The following CPE variants were observed in gnomAD, a reference collection of about 807,000 sequenced individuals.
CPE encodes the protein carboxypeptidase E, also known as carbocypeptidase E.
In CPE, 17 loss-of-function variants were observed where a neutral mutation model predicts 53.5. The observed-to-expected ratio is 0.32, with a 90% confidence interval of 0.22 to 0.48. The LOEUF (loss-of-function observed/expected upper bound fraction) is 0.48. Among genes scored for constraint, CPE ranks in the 20% least tolerant of loss-of-function variants. The probability of loss-of-function intolerance (pLI) is 0.99; values close to 1 mark genes in which losing one functional copy is unlikely to be tolerated. For synonymous variants in CPE, 226 were observed against 228.8 expected (o/e 0.99, Z 0.11); for missense variants, 524 against 614.7 (o/e 0.85, Z 1.56).
intron 7 of CPE, 43 bp from the exon 8 acceptor site, chr4:165,495,516 A>G (rs768565237): frequency 1.2e-5 from 16 of 1,315,938 alleles, no homozygotes; most frequent in Non-Finnish European, 1.7e-5. Context: ...GTAATTCTGC[A>G]TATTTCATGT....
At chr4:165,459,065 C>T (rs1010228116) in intron 1 of CPE, among the ~76,000 whole-genome samples, 1 of 152,192 alleles carries the variant, frequency 6.6e-6, no homozygotes, top group Non-Finnish European at 1.5e-5. Flanking sequence ...ATTTCACCCA[C>T]ATGGATGTGA....
At chr4:165,467,570 A>T (rs1732129548) in intron 2 of CPE, 118 bp from the exon 3 acceptor site, 1 of 932,016 alleles carries the variant, frequency 1.1e-6, no homozygotes, top group African/African-American at 1.7e-5. Context: ...ATGGGAGGGC[A>T]TTGTTGAAGT....
rs143295047 is a variant in CPE at position 165,449,632 on chromosome 4, T to C, written c.308-14758T>C. Among the ~76,000 whole-genome samples, 4 of 152,334 alleles carry C rather than the reference T, an allele frequency of 2.6e-5. No homozygotes were observed. In the East Asian group the frequency reaches 7.7e-4, roughly 29 times the overall value. On this transcript the variant is annotated intron_variant, in intron 1 of 8. Coordinates refer to ENST00000402744, the MANE Select transcript of CPE (RefSeq NM_001873.4). ...CTGAGATATGCGATGAATATATCTA[T>C]CTGTTGATAGAGCTGTTTAGGTTTT...
chr4:165,400,319 G>A (rs865926096), intron 1 of CPE, among the ~76,000 whole-genome samples: 2 of 152,136 alleles, frequency 1.3e-5, no homozygotes, highest in Non-Finnish European at 2.9e-5. Flanking sequence ...ATGACTGAGG[G>A]AGGGAGAATA....
At chr4:165,386,315 A>G (rs1244239446) in intron 1 of CPE, 1 of 495,068 alleles carries the variant, frequency 2.0e-6, no homozygotes, top group Non-Finnish European at 4.0e-6. Flanking sequence ...CTTGTGCTCT[A>G]GGATTGTATT....
At position 165,379,647 on chromosome 4, in the gene CPE, G is replaced by A; in HGVS notation, c.307+119G>A. On this transcript the variant is annotated intron_variant, in intron 1 of 8. Transcript: ENST00000402744. This position sits in a 1 kb window ranked among gnomAD's most constrained non-coding sequence, Gnocchi z 6.0. ...GGCCCAGGGGTGCCTCTTGGTAAAAGGTATCTAAGGTGGAAGGTGGGAAGT... is the reference window on the plus strand; with the variant it reads ...GGCCCAGGGGTGCCTCTTGGTAAAAAGTATCTAAGGTGGAAGGTGGGAAGT... 1 of 1,000,176 alleles carries A rather than the reference G, an allele frequency of 1.0e-6. No homozygotes were observed. The highest frequency in any genetic ancestry group is 2.1e-5 in the South Asian group (1 of 47,802). The allele number at this position is 1,000,176 out of a possible 1,614,324, so 62.0% of individuals were successfully genotyped here.
At chr4:165,478,547 T>TA (rs1480982681) in intron 3 of CPE, among the ~76,000 whole-genome samples, 10 of 152,214 alleles carry the variant, frequency 6.6e-5, no homozygotes, top group African/African-American at 2.4e-4. Context: ...AAAAGTTTTT[T>TA]ATTGCAAAAT....
At chr4:165,477,300 G>T (rs1239709041) in intron 3 of CPE, among the ~76,000 whole-genome samples, 2 of 152,104 alleles carry the variant, frequency 1.3e-5, no homozygotes, top group South Asian at 2.1e-4. Flanking sequence ...AAGAGCTTTT[G>T]TTTAAAACAA....
At chr4:165,469,125 T>C (rs1441044105) in intron 3 of CPE, among the ~76,000 whole-genome samples, 2 of 152,236 alleles carry the variant, frequency 1.3e-5, no homozygotes, top group Non-Finnish European at 2.9e-5. Flanking sequence ...CTCTCTGTTA[T>C]GTAGCTCAGG....
At chr4:165,382,466 C>G (rs1730519030) in intron 1 of CPE, among the ~76,000 whole-genome samples, 1 of 152,118 alleles carries the variant, frequency 6.6e-6, no homozygotes, top group South Asian at 2.1e-4. Flanking sequence ...GTTTACTTGA[C>G]TGAAATTTTG....
At chr4:165,470,631 G>A (rs758037668) in intron 3 of CPE, among the ~76,000 whole-genome samples, 1 of 152,118 alleles carries the variant, frequency 6.6e-6, no homozygotes, top group African/African-American at 2.4e-5. Flanking sequence ...TTTAACAACC[G>A]CTTGACCATC....
chr4:165,490,629 CAAAAAAAAAAAA>C (rs36034365), intron 6 of CPE, among the ~76,000 whole-genome samples: 17 of 41,006 alleles, frequency 4.1e-4, no homozygotes, highest in Admixed American at 1.5e-3. Flanking sequence ...GACTCCGTCT[CAAAAAAAAAAAA>C]AAAAAAAAAA....
chr4:165,489,249 C>A (rs1732559293), intron 6 of CPE, among the ~76,000 whole-genome samples: 1 of 152,114 alleles, frequency 6.6e-6, no homozygotes, highest in South Asian at 2.1e-4. Context: ...ATATCAAATA[C>A]AGTGCTTTTT....
chr4:165,384,149 G>C (rs964928711), intron 1 of CPE, among the ~76,000 whole-genome samples: 6 of 152,156 alleles, frequency 3.9e-5, no homozygotes, highest in South Asian at 4.1e-4. Flanking sequence ...CTCTTGTAAC[G>C]GGTGACACAT....
intron 1 of CPE, among the ~76,000 whole-genome samples, chr4:165,456,502 ATCTT>A (rs1006651541): frequency 9.9e-5 from 15 of 151,778 alleles, no homozygotes; most frequent in African/African-American, 2.4e-4. Flanking sequence ...CGCTAATTTC[ATCTT>A]TCTTTCTTTG....
chr4:165,424,879 CTTT>C (rs777344411), intron 1 of CPE, among the ~76,000 whole-genome samples: 1 of 137,740 alleles, frequency 7.3e-6, no homozygotes, highest in African/African-American at 2.7e-5. Flanking sequence ...AAAGTAGAAA[CTTT>C]TTTTTTTTTT....
rs1732166958 is a variant in CPE, at chr4:165,469,524, G to A, written c.672+1669G>A. ...CTAACAATTTTATGTCTTCAGATGAGTTGCTGCTCCAACTGTCTAGAATTC... is the reference window on the plus strand; with the variant it reads ...CTAACAATTTTATGTCTTCAGATGAATTGCTGCTCCAACTGTCTAGAATTC... On this transcript the variant is annotated intron_variant, in intron 3 of 8. Coordinates refer to ENST00000402744, the MANE Select transcript of CPE (RefSeq NM_001873.4). Among the ~76,000 whole-genome samples the A allele has an allele frequency of 2.6e-5, 4 of 152,248 alleles. No homozygotes were observed. The South Asian group carries it at 8.3e-4, about 32-fold the overall frequency.
intron 1 of CPE, chr4:165,405,491 C>T (rs563433080): frequency 3.2e-4 from 280 of 875,916 alleles, no homozygotes; most frequent in Admixed American, 5.3e-4. Context: ...CCCTTTAGTC[C>T]GCTTTCACAC....
chr4:165,485,277 C>T (rs191319511), intron 5 of CPE, among the ~76,000 whole-genome samples: 11 of 151,940 alleles, frequency 7.2e-5, no homozygotes, highest in South Asian at 4.2e-4. Context: ...GAGTGAAATG[C>T]GAAGATATTT....
Sources: gnomAD v4.1 joint callset for allele counts (sites outside exome capture counted in the v4.1 genomes callset) on GRCh38, gnomAD v4.1.1 for gene constraint, Gnocchi (gnomAD v3.1) non-coding constraint, MANE v1.5 for transcripts, NCBI Gene and HGNC (gene_info 2026-07-23, HGNC 2026-07-21) for gene names.